The following WNT10A variants were observed in gnomAD, a reference collection of about 807,000 sequenced individuals.
WNT10A encodes Wnt family member 10A.
WNT10A carries 37 observed loss-of-function variants against 36.1 expected under a neutral mutation model. The ratio of observed to expected loss-of-function variants is 1.02; its 90% CI spans 0.79 to 1.35. The LOEUF (loss-of-function observed/expected upper bound fraction) is 1.35. Among genes scored for constraint, WNT10A ranks in the 40% most tolerant of loss-of-function variants. The pLI, the probability that WNT10A is intolerant of heterozygous loss-of-function variation, is 0.00. For synonymous variants in WNT10A, 255 were observed against 254.1 expected (o/e 1.00, Z -0.03); for missense variants, 613 against 601.4 (o/e 1.02, Z -0.20).
intron 2 of WNT10A, among the ~76,000 whole-genome samples, chr2:218,884,478 G>T (rs1575231149): frequency 6.6e-6 from 1 of 152,078 alleles, no homozygotes; most frequent in South Asian, 2.1e-4. Context: ...TACCTCTGTG[G>T]CTTCCGCTCC....
chr2:218,889,910 A>T, intron 2 of WNT10A, 74 bp from the exon 3 acceptor site: 2 of 1,606,096 alleles, frequency 1.2e-6, no homozygotes, highest in Non-Finnish European at 1.7e-6. Flanking sequence ...CCTTGGAATG[A>T]TGAGAAAGGT....
chr2:218,889,937 T>A (rs1049426355), intron 2 of WNT10A, 47 bp from the exon 3 acceptor site: 14 of 1,610,332 alleles, frequency 8.7e-6, no homozygotes, highest in Non-Finnish European at 9.3e-6. Context: ...GAGAATGGGG[T>A]GTCAAGGCCC....
At chr2:218,885,342 G>A (rs565076979) in intron 2 of WNT10A, among the ~76,000 whole-genome samples, 2 of 152,206 alleles carry the variant, frequency 1.3e-5, no homozygotes, top group African/African-American at 2.4e-5. Context: ...CTAGATGGTT[G>A]GTTCCTGGGC....
chr2:218,885,299 G>A (rs929493281), intron 2 of WNT10A, among the ~76,000 whole-genome samples: 9 of 152,368 alleles, frequency 5.9e-5, no homozygotes, highest in Admixed American at 5.9e-4. Flanking sequence ...AGTGCCAATG[G>A]CACTGGTAGC....
intron 3 of WNT10A, among the ~76,000 whole-genome samples, chr2:218,891,462 G>A (rs1944649695): frequency 6.6e-6 from 1 of 152,090 alleles, no homozygotes; most frequent in Non-Finnish European, 1.5e-5. Context: ...TCATCTTCCT[G>A]CACAAAGCTG....
In WNT10A at chr2:218,890,365, T is replaced by A. The variant is rs1250082449; in HGVS notation, c.756+2T>A. ...CACAACAACCGAGTTGGGAGGCAGGTGAGAGCCCCACCCCTGGGTCTGCTT... is the reference window on the plus strand; with the variant it reads ...CACAACAACCGAGTTGGGAGGCAGGAGAGAGCCCCACCCCTGGGTCTGCTT... On this transcript the variant is annotated splice_donor_variant, in intron 3 of 3. Transcript: ENST00000258411. LOFTEE classifies it high-confidence loss of function. 6.3e-7 allele frequency: 1 copy of A among 1,599,556 alleles called. No individual in the cohort carries two copies. The highest frequency in any genetic ancestry group is 8.5e-7 in the Non-Finnish European group (1 of 1,179,920).
At chr2:218,880,352 C>T (rs2106010135), upstream of WNT10A, 1 of 153,038 alleles carries the variant, frequency 6.5e-6, no homozygotes, top group African/African-American at 2.4e-5. The surrounding 1 kb of genome is among the most constrained non-coding windows in gnomAD (Gnocchi z 7.7). Flanking sequence ...CAACACCTTT[C>T]CCTCTGTTGC....
chr2:218,893,232 A>G lies in WNT10A; in HGVS notation c.1215A>G (p.Glu405=). 4 of 1,565,212 alleles carry G rather than the reference A, an allele frequency of 2.6e-6. No homozygotes were observed. The highest frequency in any genetic ancestry group is 1.3e-5 in the African/African-American group (1 of 74,398). The change falls in exon 4 of 4, where the codon GAA becomes GAG. Residue 405 remains glutamate, a synonymous_variant. Transcript: ENST00000258411. The surrounding 1 kb of genome is among the most constrained non-coding windows in gnomAD (Gnocchi z 6.3). The stretch of plus-strand genomic sequence containing the variant: ...ACTGGTGCTGTTTCGTGGTCTGCGA[A>G]GAGTGCCGCATCACCGAGTGGGTCA... ...RFHWCCFVVC[E]ECRITEWVSV... is the part of the protein sequence containing the mutation.
At chr2:218,889,867 C>T in intron 2 of WNT10A, 117 bp from the exon 3 acceptor site, 1 of 1,529,852 alleles carries the variant, frequency 6.5e-7, no homozygotes, top group Non-Finnish European at 8.9e-7. Context: ...TTTCCTTGTG[C>T]CAGACTCTCC....
chr2:218,888,241 C>T (rs1345557085), intron 2 of WNT10A, among the ~76,000 whole-genome samples: 4 of 152,204 alleles, frequency 2.6e-5, no homozygotes, highest in Admixed American at 6.5e-5. Context: ...AGAACTTGTT[C>T]CTAGCTGGTC....
rs148979463 is a variant in WNT10A at position 218,890,027 on chromosome 2, C to T, written c.420C>T (p.Gly140=). The T allele has an allele frequency of 1.6e-4, 255 of 1,613,778 alleles. No individual in the cohort carries two copies. The highest frequency in any genetic ancestry group is 2.1e-4 in the Non-Finnish European group (249 of 1,180,038). ...TTGCCTACGCCATCGCAGCAGCTGGCGTGGTGCACGCCGTGTCCAATGCGT... is the reference window on the plus strand; with the variant it reads ...TTGCCTACGCCATCGCAGCAGCTGGTGTGGTGCACGCCGTGTCCAATGCGT... ...SAFAYAIAAA[G]VVHAVSNACA... is the part of the protein sequence containing the mutation. The change falls in exon 3 of 4, where the codon GGC becomes GGT. Residue 140 remains glycine, a synonymous_variant. Transcript: ENST00000258411.
At chr2:218,874,833 A>G in the WNT10A span, among the ~76,000 whole-genome samples, 1 of 152,168 alleles carries the variant, frequency 6.6e-6, no homozygotes, top group Non-Finnish European at 1.5e-5. Context: ...TCTTTATACA[A>G]AGGGATTTCG....
Position 218,892,843 on chromosome 2 carries a change from T to G in WNT10A, c.826T>G (p.Cys276Gly). ...GTCAGGCAGCTGCCAGCTCAAGACG[T>G]GCTGGCAGGTGACGCCCGAGTTCCG... ...GTSGSCQLKT[C>G]WQVTPEFRTV... The change falls in exon 4 of 4, where the codon TGC (cysteine) becomes GGC (glycine). Residue 276 changes from cysteine to glycine, a missense_variant. Coordinates refer to ENST00000258411, the MANE Select transcript of WNT10A (RefSeq NM_025216.3). 1.9e-6 allele frequency: 3 copies of G among 1,591,084 alleles called. No individual in the cohort carries two copies. Among genetic ancestry groups the G allele is most frequent in the Non-Finnish European group, 2.6e-6 (3 of 1,170,450 alleles).
rs927137827 is a variant in WNT10A at position 218,893,385 on chromosome 2, A to C, written c.*114A>C. On this transcript the variant is annotated 3_prime_UTR_variant, in exon 4 of 4. Transcript: ENST00000258411. This position sits in a 1 kb window ranked among gnomAD's most constrained non-coding sequence, Gnocchi z 6.3. ...TTGGCTCTTGGGAAGAGGAGATTGG[A>C]CCACATGATCTTATAGGAACCCCTC... The C allele has an allele frequency of 7.1e-7, 1 of 1,407,250 alleles. No individual in the cohort carries two copies. Among genetic ancestry groups the C allele is most frequent in the Non-Finnish European group, 9.4e-7 (1 of 1,063,966 alleles). The allele number at this position is 1,407,250 out of a possible 1,614,324, so 87.2% of individuals were successfully genotyped here.
In WNT10A at chr2:218,882,206, C is replaced by T. The variant is rs143421847; in HGVS notation, c.159C>T (p.Pro53=). ...TGGACCTCCGCCTCCCCCCGGAGCC[C>T]GTGCTCAATGCCAACACAGTGTGCC... ...DILDLRLPPE[P]VLNANTVCLT... The change falls in exon 2 of 4, where the codon CCC becomes CCT. Residue 53 remains proline, a synonymous_variant. Coordinates refer to ENST00000258411, the MANE Select transcript of WNT10A (RefSeq NM_025216.3). The T allele has an allele frequency of 1.3e-4, 216 of 1,614,034 alleles. No individual in the cohort carries two copies. The highest frequency in any genetic ancestry group is 2.7e-4 in the African/African-American group (20 of 74,902).
chr2:218,876,592 C>T (rs1575227520), upstream of WNT10A, among the ~76,000 whole-genome samples: 2 of 152,130 alleles, frequency 1.3e-5, no homozygotes, highest in Non-Finnish European at 2.9e-5. Flanking sequence ...ACTTAGAACT[C>T]CTTGACCAAA....
chr2:218,882,451 C>T, intron 2 of WNT10A, 28 bp downstream of exon 2: 1 of 1,613,458 alleles, frequency 6.2e-7, no homozygotes, highest in Non-Finnish European at 8.5e-7. Flanking sequence ...CTGCCCCTGC[C>T]TGCCCCATCC....
chr2:218,892,794 G>T lies in WNT10A; in HGVS notation c.777G>T (p.Arg259=), dbSNP rs959922127. 8 of 1,595,934 alleles carry T rather than the reference G, an allele frequency of 5.0e-6. No individual in the cohort carries two copies. Among genetic ancestry groups the T allele is most frequent in the Middle Eastern group, 4.1e-4 (2 of 4,910 alleles). Residue 259 remains arginine, a synonymous_variant, in exon 4 of 4, where the codon CGG becomes CGT. Transcript: ENST00000258411. The part of the protein sequence containing the change: ...VGRQAVMENM[R]RKCKCHGTSG... ...CGCAGGCAGTGATGGAGAACATGCG[G>T]CGGAAGTGCAAGTGCCACGGCACGT...
In WNT10A at chr2:218,892,898, T is replaced by G; in HGVS notation, c.881T>G (p.Phe294Cys). The G allele has an allele frequency of 6.4e-7, 1 of 1,550,596 alleles. No individual in the cohort carries two copies. The highest frequency in any genetic ancestry group is 8.7e-7 in the Non-Finnish European group (1 of 1,151,318). Residue 294 changes from phenylalanine to cysteine, a missense_variant, in exon 4 of 4, where the codon TTC (phenylalanine) becomes TGC (cysteine). By Grantham distance (205) the Phe-to-Cys change is radical. Coordinates refer to ENST00000258411, the MANE Select transcript of WNT10A (RefSeq NM_025216.3). ...GTGGGGGCGCTGCTGCGCAGCCGCT[T>G]CCACCGCGCCACGCTCATCCGGCCG... Reference protein sequence around the residue: ...RTVGALLRSRFHRATLIRPHN... With the variant: ...RTVGALLRSRCHRATLIRPHN...
Sources: gnomAD v4.1 joint callset for allele counts (sites outside exome capture counted in the v4.1 genomes callset) on GRCh38, gnomAD v4.1.1 for gene constraint, Gnocchi (gnomAD v3.1) non-coding constraint, MANE v1.5 for transcripts, NCBI Gene and HGNC (gene_info 2026-07-23, HGNC 2026-07-21) for gene names.